The following PLAGL1 variants were observed in gnomAD, a reference collection of about 807,000 sequenced individuals.
PLAGL1 encodes the protein zinc finger protein PLAGL1.
In PLAGL1, 1 loss-of-function variant was observed where a neutral mutation model predicts 4.6. That is an observed-to-expected ratio of 0.22 (90% CI 0.08 to 1.03). The LOEUF (loss-of-function observed/expected upper bound fraction) is 1.03, where lower values mean the gene tolerates loss of function less well. PLAGL1 is among the 50% of genes least tolerant of loss of function. The pLI is 0.58. For synonymous variants in PLAGL1, 240 were observed against 237.8 expected, an observed-to-expected ratio of 1.01 and a Z score of -0.08; for missense variants, 464 against 570.4, an observed-to-expected ratio of 0.81 and a Z score of 1.90.
In PLAGL1 at chr6:143,978,626, A is replaced by T. The variant is rs976472659; in HGVS notation, c.-544+6509T>A. On this transcript the variant is annotated intron_variant, in intron 2 of 7. Coordinates refer to ENST00000674357, the MANE Select transcript of PLAGL1 (RefSeq NM_001317162.2). The surrounding 1 kb of genome is among the most constrained non-coding windows in gnomAD (Gnocchi z 4.6). Reference sequence around the variant, plus strand: ...TGGAAGTGTGATGTTCAGTTACAAGATATTTTTCCAGATTCCTTTCTAATT... The same window carrying T: ...TGGAAGTGTGATGTTCAGTTACAAGTTATTTTTCCAGATTCCTTTCTAATT... Among the ~76,000 whole-genome samples, 1 of 152,168 alleles carries T rather than the reference A, an allele frequency of 6.6e-6. No homozygotes were observed. Among genetic ancestry groups the T allele is most frequent in the African/African-American group, 2.4e-5 (1 of 41,440 alleles).
chr6:144,024,189 A>G (rs1175407881), intron 1 of PLAGL1, among the ~76,000 whole-genome samples: 2 of 152,228 alleles, frequency 1.3e-5, no homozygotes, highest in Admixed American at 1.3e-4. Context: ...GCCTACATGC[A>G]GTGACACTCT....
rs746624620 is a variant in PLAGL1 at position 143,993,331 on chromosome 6, AACACACACACACACACACACACACACAC to A, written c.-583-8185_-583-8158del. Among the ~76,000 whole-genome samples the A allele has an allele frequency of 2.1e-5, 3 of 142,336 alleles. No individual in the cohort carries two copies. The South Asian group carries it at 6.9e-4, about 33-fold the overall frequency. 93.4% of individuals were successfully genotyped at this position (142,336 alleles called of 152,430 possible). A position where few individuals can be genotyped will look rare whatever the true frequency, so the allele number is the denominator to read the frequency against. The stretch of plus-strand genomic sequence containing the variant: ...AACAAAAAAACAAAAAACAAAACAA[AACACACACACACACACACACACACACAC>A]ACACACACACAATTGACATGTGTAT... On this transcript the variant is annotated intron_variant, in intron 1 of 7. Transcript: ENST00000674357.
intron 3 of PLAGL1, chr6:143,967,855 A>C (rs1341102751): frequency 6.6e-6 from 1 of 152,170 alleles, no homozygotes; most frequent in Non-Finnish European, 1.5e-5. Context: ...AGTCAGTCTC[A>C]AGACAAAGAA....
At chr6:144,007,663 G>A (rs909006612) in intron 1 of PLAGL1, 20 of 152,264 alleles carry the variant, frequency 1.3e-4, no homozygotes, top group African/African-American at 4.8e-4. Context: ...TAATACTAAA[G>A]CATCAAAATA....
intron 1 of PLAGL1, among the ~76,000 whole-genome samples, chr6:144,042,919 T>A (rs1797848375): frequency 1.3e-5 from 2 of 152,188 alleles, no homozygotes; most frequent in South Asian, 4.1e-4. Context: ...CCCAGGTATT[T>A]TATTCTTTTT....
chr6:143,963,120 G>A lies in PLAGL1; in HGVS notation c.-399+1667C>T, dbSNP rs1390744763. On this transcript the variant is annotated intron_variant, in intron 5 of 7. Transcript: ENST00000674357. The surrounding 1 kb of genome is among the most constrained non-coding windows in gnomAD (Gnocchi z 6.1). Reference sequence around the variant, plus strand: ...TGACACTGGGGGGCATGGTATGAAGGGGTTGCTGGAAGTTGGAATAGATTT... The same window carrying A: ...TGACACTGGGGGGCATGGTATGAAGAGGTTGCTGGAAGTTGGAATAGATTT... 2.0e-5 allele frequency among the ~76,000 whole-genome samples: 3 copies of A among 152,146 alleles called. No homozygotes were observed. Among genetic ancestry groups the A allele is most frequent in the South Asian group, 4.1e-4 (2 of 4,828 alleles).
rs1246030527 is a variant in PLAGL1 at position 143,982,202 on chromosome 6, T to C, written c.-544+2933A>G. Among the ~76,000 whole-genome samples, 1 of 151,962 alleles carries C rather than the reference T, an allele frequency of 6.6e-6. No homozygotes were observed. The highest frequency in any genetic ancestry group is 2.4e-5 in the African/African-American group (1 of 41,352). ...TGAAGAGACAGGAAGTGCTAAGAGATTTAGCAGTGAAAACAGTGTCAATTT... is the reference window on the plus strand; with the variant it reads ...TGAAGAGACAGGAAGTGCTAAGAGACTTAGCAGTGAAAACAGTGTCAATTT... On this transcript the variant is annotated intron_variant, in intron 2 of 7. Transcript: ENST00000674357. This position sits in a 1 kb window ranked among gnomAD's most constrained non-coding sequence, Gnocchi z 5.3.
In PLAGL1 at chr6:144,042,518, G is replaced by A. The variant is rs563605178; in HGVS notation, c.-151+21950C>T. On this transcript the variant is annotated intron_variant, in intron 1 of 3. Transcript: ENST00000437412. The stretch of plus-strand genomic sequence containing the variant: ...CTGTTATTTCTGAGGCCTCTGTTCT[G>A]TTCCACTGGTTTATATATCTGTTTT... 1.3e-4 allele frequency among the ~76,000 whole-genome samples: 20 copies of A among 152,260 alleles called. No homozygotes were observed. The South Asian group carries it at 2.3e-3, about 17-fold the overall frequency.
chr6:144,028,893 A>G (rs1192157332), intron 1 of PLAGL1, among the ~76,000 whole-genome samples: 1 of 152,220 alleles, frequency 6.6e-6, no homozygotes, highest in Non-Finnish European at 1.5e-5. Flanking sequence ...TAAATAAAAT[A>G]ATATCACTTC....
intron 1 of PLAGL1, among the ~76,000 whole-genome samples, chr6:144,002,021 T>G (rs1287865675): frequency 6.6e-6 from 1 of 152,060 alleles, no homozygotes; most frequent in African/African-American, 2.4e-5. Context: ...GAGGGAAAAC[T>G]GTGGTAATCT....
In PLAGL1 at chr6:143,954,306, C is replaced by T. The variant is rs955932438; in HGVS notation, c.-324-5846G>A. On this transcript the variant is annotated intron_variant, in intron 6 of 7. Coordinates refer to ENST00000674357, the MANE Select transcript of PLAGL1 (RefSeq NM_001317162.2). The surrounding 1 kb of genome is among the most constrained non-coding windows in gnomAD (Gnocchi z 5.1). Reference sequence around the variant, plus strand: ...AAAAGTAACGGGGAAAAAAAGACTACGGGGGGAAGGAAACTTCAAAAATAA... The same window carrying T: ...AAAAGTAACGGGGAAAAAAAGACTATGGGGGGAAGGAAACTTCAAAAATAA... 1.8e-4 allele frequency among the ~76,000 whole-genome samples: 28 copies of T among 151,978 alleles called. No homozygotes were observed. The highest frequency in any genetic ancestry group is 6.2e-4 in the South Asian group (3 of 4,810).
rs1784524215 is a variant in PLAGL1, at chr6:143,966,888, T to C, written c.-471-690A>G. On this transcript the variant is annotated intron_variant, in intron 3 of 7. Transcript: ENST00000674357. This position sits in a 1 kb window ranked among gnomAD's most constrained non-coding sequence, Gnocchi z 6.0. ...GAGGGAAGTAAGGAAATTTTAATGATATTCCTTAGATAATACATTTTCTTA... is the reference window on the plus strand; with the variant it reads ...GAGGGAAGTAAGGAAATTTTAATGACATTCCTTAGATAATACATTTTCTTA... The C allele has an allele frequency of 6.6e-6, 1 of 152,252 alleles. No homozygotes were observed. The highest frequency in any genetic ancestry group is 6.5e-5 in the Admixed American group (1 of 15,288). The allele number at this position is 152,252 out of a possible 1,614,324, so 9.4% of individuals were successfully genotyped here. A position where few individuals can be genotyped will look rare whatever the true frequency, so the allele number is the denominator to read the frequency against.
rs1272171275 is a variant in PLAGL1 at position 143,955,319 on chromosome 6, A to G, written c.-325+5150T>C. 3.9e-5 allele frequency among the ~76,000 whole-genome samples: 6 copies of G among 152,232 alleles called. No individual in the cohort carries two copies. Among genetic ancestry groups the G allele is most frequent in the Non-Finnish European group, 8.8e-5 (6 of 68,044 alleles). The stretch of plus-strand genomic sequence containing the variant: ...ATAAGTGGTTCAGTAAGACTGGAAT[A>G]CAGGTGCAGATGTGGGCAAAGGAGA... On this transcript the variant is annotated intron_variant, in intron 6 of 7. Coordinates refer to ENST00000674357, the MANE Select transcript of PLAGL1 (RefSeq NM_001317162.2). This position sits in a 1 kb window ranked among gnomAD's most constrained non-coding sequence, Gnocchi z 4.9.
Position 144,049,644 on chromosome 6 carries a change from C to G in PLAGL1, c.-151+14824G>C, listed in dbSNP as rs557856521. ...AACTCACTCACTATCATGAGAACAG[C>G]ATGGGGAAAACTGGCCCCATGATCT... On this transcript the variant is annotated intron_variant, in intron 1 of 3. Transcript: ENST00000437412. Among the ~76,000 whole-genome samples, 194 of 152,284 alleles carry G rather than the reference C, an allele frequency of 1.3e-3. 1 individual carries two copies. The highest frequency in any genetic ancestry group is 4.4e-3 in the African/African-American group (184 of 41,548).
Position 143,970,971 on chromosome 6 carries a change from G to A in PLAGL1, c.-543-1993C>T, listed in dbSNP as rs1003685208. Among the ~76,000 whole-genome samples, 3 of 152,078 alleles carry A rather than the reference G, an allele frequency of 2.0e-5. No homozygotes were observed. Among genetic ancestry groups the A allele is most frequent in the Non-Finnish European group, 2.9e-5 (2 of 68,010 alleles). The stretch of plus-strand genomic sequence containing the variant: ...AACATCAAATGGAAAAGTGCAGTTT[G>A]ATTTCCTACATTTCCCTCCACTCTC... On this transcript the variant is annotated intron_variant, in intron 2 of 7. Transcript: ENST00000674357. This position sits in a 1 kb window ranked among gnomAD's most constrained non-coding sequence, Gnocchi z 5.8.
intron 1 of PLAGL1, among the ~76,000 whole-genome samples, chr6:143,992,606 A>G (rs138651455): frequency 2.8e-4 from 42 of 152,342 alleles, no homozygotes; most frequent in Non-Finnish European, 2.6e-4. Context: ...CAGTGGCAAC[A>G]TATCTGGTAA....
At chr6:144,052,931 C>A (rs1798682711) in intron 1 of PLAGL1, among the ~76,000 whole-genome samples, 1 of 152,064 alleles carries the variant, frequency 6.6e-6, no homozygotes. Context: ...AACATTTAAG[C>A]CATTTAATTC....
chr6:143,955,267 A>G lies in PLAGL1; in HGVS notation c.-325+5202T>C, dbSNP rs1007848054. ...AGAGGGAGGTGGTCTATTTCAGGCCAAGGGAATGAATCCAACCACCTGGAG... is the reference window on the plus strand; with the variant it reads ...AGAGGGAGGTGGTCTATTTCAGGCCGAGGGAATGAATCCAACCACCTGGAG... On this transcript the variant is annotated intron_variant, in intron 6 of 7. Coordinates refer to ENST00000674357, the MANE Select transcript of PLAGL1 (RefSeq NM_001317162.2). This position sits in a 1 kb window ranked among gnomAD's most constrained non-coding sequence, Gnocchi z 4.9. Among the ~76,000 whole-genome samples the G allele has an allele frequency of 3.3e-5, 5 of 152,212 alleles. No homozygotes were observed. The highest frequency in any genetic ancestry group is 7.3e-5 in the Non-Finnish European group (5 of 68,036).
At position 143,942,466 on chromosome 6, in the gene PLAGL1, C is replaced by T. The variant is rs749325083; in HGVS notation, c.350G>A (p.Ser117Asn). 2.5e-6 allele frequency: 4 copies of T among 1,614,082 alleles called. No individual in the cohort carries two copies. In the East Asian group the frequency reaches 8.9e-5, roughly 36 times the overall value. Reference sequence around the variant, plus strand: ...ACAGACCCCACAGGTGAGGTCCCCACTGCTGGCCGCATGGAGGGCCAGGTG... The same window carrying T: ...ACAGACCCCACAGGTGAGGTCCCCATTGCTGGCCGCATGGAGGGCCAGGTG... ...KRHLALHAAS[S>N]GDLTCGVCAL... Residue 117 changes from serine to asparagine, a missense_variant, in exon 8 of 8, where the codon AGT becomes AAT. This residue lies in a region of PLAGL1 where 161 missense variants were observed against 196.7 expected (regional missense o/e 0.82). Coordinates refer to ENST00000674357, the MANE Select transcript of PLAGL1 (RefSeq NM_001317162.2). The surrounding 1 kb of genome is among the most constrained non-coding windows in gnomAD (Gnocchi z 7.6).
Sources: gnomAD v4.1 joint callset for allele counts (sites outside exome capture counted in the v4.1 genomes callset) on GRCh38, gnomAD v4.1.1 for gene constraint, gnomAD v4.1.1 regional missense constraint, Gnocchi (gnomAD v3.1) non-coding constraint, MANE v1.5 for transcripts, NCBI Gene and HGNC (gene_info 2026-07-23, HGNC 2026-07-21) for gene names.